Variants in SYNPR observed in about 807,000 individuals in gnomAD.
SYNPR encodes synaptoporin.
SYNPR carries 23 observed loss-of-function variants against 32.9 expected under a neutral mutation model. That is an observed-to-expected ratio of 0.70 (90% CI 0.50 to 0.99). The LOEUF (loss-of-function observed/expected upper bound fraction) is 0.99, where lower values mean the gene tolerates loss of function less well. Ranked by LOEUF, SYNPR falls within the 50% of genes least tolerant of loss-of-function variation. SYNPR has a pLI of 0.00. For synonymous variants in SYNPR, 146 were observed against 135.9 expected (o/e 1.07, Z -0.52); for missense variants, 318 against 349.3 (o/e 0.91, Z 0.71).
At chr3:63,595,745 A>ATATATATATATATAATTT (rs1559546185) in intron 4 of SYNPR, among the ~76,000 whole-genome samples, 26 of 41,918 alleles carry the variant, frequency 6.2e-4, no homozygotes, top group African/African-American at 9.3e-4. Flanking sequence ...ATATATATAT[A>ATATATATATATATAATTT]TATATATATA....
At chr3:63,335,193 AAAAC>A (rs1282610229) in intron 2 of SYNPR, among the ~76,000 whole-genome samples, 3 of 152,060 alleles carry the variant, frequency 2.0e-5, no homozygotes, top group Non-Finnish European at 4.4e-5. Context: ...TCTCTACTGA[AAAAC>A]AAAAAATTAG....
At chr3:63,438,634 A>G (rs1309561850) in intron 2 of SYNPR, among the ~76,000 whole-genome samples, 1 of 152,232 alleles carries the variant, frequency 6.6e-6, no homozygotes, top group Non-Finnish European at 1.5e-5. Context: ...TACAAGGAAA[A>G]TAAAAGATAA....
At chr3:63,256,031 C>T (rs931713878) in intron 2 of SYNPR, among the ~76,000 whole-genome samples, 19 of 152,312 alleles carry the variant, frequency 1.2e-4, no homozygotes, top group African/African-American at 3.6e-4. Flanking sequence ...GAGGGGCGCC[C>T]GCCATTGCCA....
In SYNPR at chr3:63,342,656, C is replaced by G. The variant is rs183087813; in HGVS notation, c.84+63914C>G. Among the ~76,000 whole-genome samples, 328 of 152,284 alleles carry G rather than the reference C, an allele frequency of 2.2e-3. 2 individuals are homozygous for G. The highest frequency in any genetic ancestry group is 7.6e-3 in the African/African-American group (316 of 41,550). On this transcript the variant is annotated intron_variant, in intron 2 of 5. Transcript: ENST00000478300. Reference sequence around the variant, plus strand: ...AATGAGTTGGAAAGTGTTCCCTCCTCTGCTATTTTCTGGAAGAGATTATGT... The same window carrying G: ...AATGAGTTGGAAAGTGTTCCCTCCTGTGCTATTTTCTGGAAGAGATTATGT...
At chr3:63,364,718 G>A (rs982726130) in intron 2 of SYNPR, among the ~76,000 whole-genome samples, 2 of 152,162 alleles carry the variant, frequency 1.3e-5, no homozygotes, top group Non-Finnish European at 2.9e-5. Flanking sequence ...ACTTCTAGAA[G>A]TGGTTTGTAT....
At chr3:63,486,656 A>T (rs1312651152) in intron 3 of SYNPR, among the ~76,000 whole-genome samples, 1 of 152,180 alleles carries the variant, frequency 6.6e-6, no homozygotes, top group Non-Finnish European at 1.5e-5. Context: ...GAGTAGATAG[A>T]TTGATCAACT....
rs115318199 is a variant in SYNPR, at chr3:63,307,945, C to T, written c.84+29203C>T. On this transcript the variant is annotated intron_variant, in intron 2 of 5. Coordinates refer to ENST00000478300, the MANE Select transcript of SYNPR (RefSeq NM_001130003.2). The stretch of plus-strand genomic sequence containing the variant: ...ATAGTTCGTGGCTTTTAATCTTGCT[C>T]ACATTAGAGGAAAATAATGAATAAG... Among the ~76,000 whole-genome samples the T allele has an allele frequency of 5.2e-3, 796 of 151,788 alleles. 7 individuals are homozygous for T. The highest frequency in any genetic ancestry group is 0.018 in the African/African-American group (765 of 41,384).
At chr3:63,206,917 G>T in the SYNPR span, among the ~76,000 whole-genome samples, 1 of 152,186 alleles carries the variant, frequency 6.6e-6, no homozygotes, top group Non-Finnish European at 1.5e-5. Context: ...TGGAGTTGTT[G>T]TTATGGCTAT....
At chr3:63,465,438 T>C (rs889681245) in intron 2 of SYNPR, among the ~76,000 whole-genome samples, 5 of 152,136 alleles carry the variant, frequency 3.3e-5, no homozygotes, top group African/African-American at 1.2e-4. Context: ...TTAAAAAGCA[T>C]GAAAACTATA....
intron 2 of SYNPR, among the ~76,000 whole-genome samples, chr3:63,258,053 G>A (rs562895599): frequency 4.6e-5 from 7 of 152,258 alleles, no homozygotes; most frequent in African/African-American, 1.4e-4. Context: ...CAATACAGGA[G>A]CACCCAGATC....
chr3:63,340,668 C>T (rs1400548824), intron 2 of SYNPR, among the ~76,000 whole-genome samples: 1 of 152,060 alleles, frequency 6.6e-6, no homozygotes. Context: ...ATCTGCCCGC[C>T]TCGGCCTCCC....
At chr3:63,457,319 T>C (rs527835137) in intron 2 of SYNPR, among the ~76,000 whole-genome samples, 22 of 152,292 alleles carry the variant, frequency 1.4e-4, no homozygotes, top group African/African-American at 4.6e-4. Context: ...AGTCATGCCA[T>C]TCTATTGAAT....
intron 1 of SYNPR, among the ~76,000 whole-genome samples, chr3:63,233,502 G>T (rs1035634013): frequency 1.3e-5 from 2 of 152,098 alleles, no homozygotes; most frequent in African/African-American, 2.4e-5. Context: ...ACCACATATG[G>T]ATACCACTGC....
In SYNPR at chr3:63,253,190, G is replaced by C. The variant is rs927235613; in HGVS notation, n.154+604G>C. 4.1e-4 allele frequency among the ~76,000 whole-genome samples: 62 copies of C among 151,852 alleles called. 3 individuals carry two copies. ...AGATGCCAAATAATCACCATTTGAGGGTGGATTTAAATTTTAATAGCAGCT... is the reference window on the plus strand; with the variant it reads ...AGATGCCAAATAATCACCATTTGAGCGTGGATTTAAATTTTAATAGCAGCT... On this transcript the variant is annotated intron_variant and non_coding_transcript_variant, in intron 2 of 4. Coordinates refer to the SYNPR transcript ENST00000478456.
chr3:63,562,870 G>C (rs1702715294), intron 4 of SYNPR, among the ~76,000 whole-genome samples: 2 of 152,112 alleles, frequency 1.3e-5, no homozygotes, highest in Non-Finnish European at 2.9e-5. Flanking sequence ...TTATTTAACA[G>C]GTGGAAGCTG....
At chr3:63,268,153 G>T (rs1399199075) in intron 3 of SYNPR, among the ~76,000 whole-genome samples, 1 of 152,084 alleles carries the variant, frequency 6.6e-6, no homozygotes, top group African/African-American at 2.4e-5. Flanking sequence ...AGTCCCCAAA[G>T]ACAGCCTTTA....
intron 2 of SYNPR, among the ~76,000 whole-genome samples, chr3:63,314,819 T>A (rs939197606): frequency 3.3e-5 from 5 of 151,900 alleles, no homozygotes; most frequent in African/African-American, 1.2e-4. Flanking sequence ...TGTAGAAGGG[T>A]TTTTCCAATC....
At chr3:63,353,368 G>T (rs554868952) in intron 2 of SYNPR, among the ~76,000 whole-genome samples, 1 of 152,310 alleles carries the variant, frequency 6.6e-6, no homozygotes, top group African/African-American at 2.4e-5. Context: ...CACAGGGAGG[G>T]GGATCTAGTG....
At chr3:63,521,568 A>G (rs7614676) in intron 3 of SYNPR, among the ~76,000 whole-genome samples, 31,182 of 152,056 alleles carry the variant, frequency 0.21, 3,307 homozygotes, top group East Asian at 0.31. Flanking sequence ...ACCAATAGGG[A>G]AGGGTACATC....
Sources: allele counts gnomAD v4.1 joint callset (sites outside exome capture counted in the v4.1 genomes callset), GRCh38; gene constraint gnomAD v4.1.1; transcripts MANE v1.5; gene names NCBI Gene and HGNC (gene_info 2026-07-23, HGNC 2026-07-21).